C10orf90: variants seen among roughly 807,000 people sequenced by gnomAD.
C10orf90 encodes the protein chromosome 10 open reading frame 90, also known as (E2-independent) E3 ubiquitin-conjugating enzyme FATS.
Under a neutral mutation model 62.5 loss-of-function variants are expected in C10orf90, and 56 were observed. The ratio of observed to expected loss-of-function variants is 0.90; its 90% CI spans 0.72 to 1.12. C10orf90 has a LOEUF of 1.12. Among genes scored for constraint, C10orf90 ranks in the 50% most tolerant of loss-of-function variants. The pLI is 0.00. For synonymous variants in C10orf90, 386 were observed against 340.4 expected (o/e 1.13, Z -1.47); for missense variants, 970 against 880.4 (o/e 1.10, Z -1.29).
intron 3 of C10orf90, among the ~76,000 whole-genome samples, chr10:126,505,393 C>A (rs537146480): frequency 6.6e-6 from 1 of 152,146 alleles, no homozygotes; most frequent in Non-Finnish European, 1.5e-5. Context: ...TAACCACCTC[C>A]GCCAAGCCCA....
intron 2 of C10orf90, among the ~76,000 whole-genome samples, chr10:126,536,424 C>A (rs1864239297): frequency 6.6e-6 from 1 of 152,168 alleles, no homozygotes. Flanking sequence ...GTACTATCTG[C>A]GTAAGGACCT....
intron 2 of C10orf90, among the ~76,000 whole-genome samples, chr10:126,643,682 T>C (rs1289275952): frequency 2.0e-5 from 3 of 152,210 alleles, no homozygotes; most frequent in Admixed American, 1.3e-4. Flanking sequence ...CATCTTCCCA[T>C]GAAGTTCACT....
chr10:126,666,753 C>T (rs1032297989), intron 1 of C10orf90, among the ~76,000 whole-genome samples: 5 of 151,862 alleles, frequency 3.3e-5, no homozygotes, highest in East Asian at 2.0e-4. Flanking sequence ...TCAAGGCGGG[C>T]GGATCATGAG....
At chr10:126,619,261 T>A (rs2133813308) in intron 2 of C10orf90, among the ~76,000 whole-genome samples, 1 of 152,312 alleles carries the variant, frequency 6.6e-6, no homozygotes, top group Non-Finnish European at 1.5e-5. Flanking sequence ...TGGATAGTCT[T>A]ATGCACGCCC....
chr10:126,561,360 G>A (rs1038378320), intron 2 of C10orf90, among the ~76,000 whole-genome samples: 5 of 152,146 alleles, frequency 3.3e-5, no homozygotes, highest in African/African-American at 1.2e-4. Flanking sequence ...CACACGTGAG[G>A]CTTGAATACC....
chr10:126,534,161 C>T (rs893096), intron 2 of C10orf90, among the ~76,000 whole-genome samples: 134,916 of 152,240 alleles, frequency 0.89, 59,996 homozygotes, highest in African/African-American at 0.96. Context: ...CAGCTTTCCT[C>T]GAGAACCCTC....
At chr10:126,613,930 A>G (rs530896588) in intron 2 of C10orf90, among the ~76,000 whole-genome samples, 1 of 152,324 alleles carries the variant, frequency 6.6e-6, no homozygotes, top group Admixed American at 6.5e-5. Context: ...AAATGGGGAT[A>G]GCCACCCAGT....
At chr10:126,649,077 C>CG (rs1554932161) in intron 1 of C10orf90, among the ~76,000 whole-genome samples, 49,548 of 118,010 alleles carry the variant, frequency 0.42, 11,719 homozygotes, top group East Asian at 0.49. Context: ...TCTCTCCCCC[C>CG]CCCCCAGCAA....
intron 4 of C10orf90, among the ~76,000 whole-genome samples, chr10:126,493,733 A>T (rs544094536): frequency 6.6e-6 from 1 of 152,350 alleles, no homozygotes; most frequent in East Asian, 1.9e-4. Context: ...TTCCATTTAA[A>T]TTCCTTTCTA....
At chr10:126,560,181 T>C (rs949222334) in intron 2 of C10orf90, among the ~76,000 whole-genome samples, 1 of 152,190 alleles carries the variant, frequency 6.6e-6, no homozygotes. Context: ...CAAGAATTAC[T>C]TTCAGAAGGA....
chr10:126,591,438 A>G (rs1844977191), intron 2 of C10orf90, among the ~76,000 whole-genome samples: 1 of 152,230 alleles, frequency 6.6e-6, no homozygotes, highest in Non-Finnish European at 1.5e-5. Context: ...AGATCTAAAG[A>G]CAAAAATCAC....
chr10:126,607,242 C>CTAT (rs1845332298), intron 2 of C10orf90, among the ~76,000 whole-genome samples: 1 of 152,172 alleles, frequency 6.6e-6, no homozygotes, highest in Non-Finnish European at 1.5e-5. Flanking sequence ...ATATAGCTAC[C>CTAT]ATTGAGTACC....
At chr10:126,545,743 CT>C (rs1192598542) in intron 2 of C10orf90, among the ~76,000 whole-genome samples, 1 of 152,168 alleles carries the variant, frequency 6.6e-6, no homozygotes, top group Non-Finnish European at 1.5e-5. Flanking sequence ...GCCCCTCCCC[CT>C]CTTCTCTCTC....
chr10:126,430,116 A>C (rs1392550787), intron 7 of C10orf90, among the ~76,000 whole-genome samples: 1 of 152,162 alleles, frequency 6.6e-6, no homozygotes, highest in Non-Finnish European at 1.5e-5. Context: ...AACACCTTTG[A>C]ATGCTTCCTT....
At chr10:126,527,912 T>C (rs74769730) in intron 2 of C10orf90, among the ~76,000 whole-genome samples, 10,390 of 152,278 alleles carry the variant, frequency 0.068, 1,168 homozygotes, top group African/African-American at 0.23. Context: ...TCTCTGCCCT[T>C]GTGGAGCTTA....
chr10:126,503,974 C>G lies in C10orf90; in HGVS notation c.1517G>C (p.Gly506Ala). ...HANQLSIHIP[G>A]WSYRAVHTKV... Reference sequence around the variant, plus strand: ...CCACTCACCTGCCCTGTAACTCCAGCCAGGAATGTGAATGGACAGTTGGTT... The same window carrying G: ...CCACTCACCTGCCCTGTAACTCCAGGCAGGAATGTGAATGGACAGTTGGTT... The change falls in exon 4 of 10, where the codon GGC becomes GCC. Residue 506 changes from glycine (G) to alanine (A), a missense_variant. Transcript: ENST00000488181. 1.2e-6 allele frequency: 2 copies of G among 1,611,084 alleles called. No individual in the cohort carries two copies. Among genetic ancestry groups the G allele is most frequent in the Non-Finnish European group, 1.7e-6 (2 of 1,178,938 alleles).
intron 4 of C10orf90, among the ~76,000 whole-genome samples, chr10:126,484,655 T>C (rs1861334259): frequency 6.6e-6 from 1 of 152,202 alleles, no homozygotes; most frequent in Non-Finnish European, 1.5e-5. Context: ...AGGCAATTAG[T>C]AACATAGAAT....
Position 126,456,601 on chromosome 10 carries a change from C to T in C10orf90, c.2188+2439G>A, listed in dbSNP as rs1381093643. On this transcript the variant is annotated intron_variant, in intron 7 of 9. Coordinates refer to ENST00000488181, the MANE Select transcript of C10orf90 (RefSeq NM_001350921.2). This position sits in a 1 kb window ranked among gnomAD's most constrained non-coding sequence, Gnocchi z 4.9. The stretch of plus-strand genomic sequence containing the variant: ...CCCCAACAAAAAGATATGTTTAAGT[C>T]CTAATCCCCCATAACTCTGAATGTG... Among the ~76,000 whole-genome samples, 3 of 152,176 alleles carry T rather than the reference C, an allele frequency of 2.0e-5. No individual in the cohort carries two copies. The highest frequency in any genetic ancestry group is 4.1e-4 in the South Asian group (2 of 4,828).
chr10:126,616,897 C>T (rs1365435820), intron 2 of C10orf90, among the ~76,000 whole-genome samples: 1 of 152,172 alleles, frequency 6.6e-6, no homozygotes, highest in Non-Finnish European at 1.5e-5. Context: ...AGGTCCGCAA[C>T]ATTGATATGT....
Sources: allele counts gnomAD v4.1 joint callset (sites outside exome capture counted in the v4.1 genomes callset), GRCh38; gene constraint gnomAD v4.1.1; non-coding constraint Gnocchi (gnomAD v3.1); transcripts MANE v1.5; gene names NCBI Gene and HGNC (gene_info 2026-07-23, HGNC 2026-07-21).